SLC9D1: variants seen among roughly 807,000 people sequenced by gnomAD.
SLC9D1 encodes the protein solute carrier family 9 member D1.
the SLC9D1 span, chr13:113,549,825 TC>T: frequency 3.5e-6 from 2 of 578,532 alleles, no homozygotes; most frequent in South Asian, 4.4e-5. Context: ...TTTTTTTTTT[TC>T]CCTGAAATTA....
At chr13:113,513,097 A>G in the SLC9D1 span, among the ~76,000 whole-genome samples, 4 of 152,128 alleles carry the variant, frequency 2.6e-5, no homozygotes, top group African/African-American at 7.2e-5. Context: ...AGTAGAAGGG[A>G]ACGTCTGAAC....
At chr13:113,505,849 C>T in the SLC9D1 span, 1 of 152,244 alleles carries the variant, frequency 6.6e-6, no homozygotes, top group Non-Finnish European at 1.5e-5. Flanking sequence ...TTACCTAGAA[C>T]TTTTTGTTTT....
At chr13:113,495,640 T>G in the SLC9D1 span, 3 of 1,590,588 alleles carry the variant, frequency 1.9e-6, no homozygotes, top group Non-Finnish European at 2.6e-6. Context: ...CCCTGGGCGG[T>G]GCAGGCTGTG....
At chr13:113,509,942 T>C in the SLC9D1 span, among the ~76,000 whole-genome samples, 1 of 152,148 alleles carries the variant, frequency 6.6e-6, no homozygotes, top group East Asian at 1.9e-4. Flanking sequence ...TGTTTTCATC[T>C]GAAAGTGGGG....
chr13:113,534,123 T>C, the SLC9D1 span: 5 of 1,613,274 alleles, frequency 3.1e-6, no homozygotes, highest in Admixed American at 8.3e-5. Flanking sequence ...TTCTTTTATG[T>C]CTTGTTATAA....
chr13:113,510,166 C>G, the SLC9D1 span: 1 of 1,366,418 alleles, frequency 7.3e-7, no homozygotes, highest in Non-Finnish European at 1.0e-6. Context: ...TGCAGAAATG[C>G]GTGAAGTCTG....
chr13:113,498,432 A>G, the SLC9D1 span: 3 of 1,586,348 alleles, frequency 1.9e-6, no homozygotes, highest in East Asian at 2.3e-5. Context: ...AAGTTTATCC[A>G]TGCTTGACGA....
At chr13:113,491,846 C>T in the SLC9D1 span, among the ~76,000 whole-genome samples, 1 of 152,236 alleles carries the variant, frequency 6.6e-6, no homozygotes, top group Non-Finnish European at 1.5e-5. Flanking sequence ...GAAGCAAGAC[C>T]GCTGCGTATC....
At chr13:113,533,238 T>G in the SLC9D1 span, among the ~76,000 whole-genome samples, 1 of 141,284 alleles carries the variant, frequency 7.1e-6, no homozygotes, top group African/African-American at 2.8e-5. Context: ...GTGGCCGTTG[T>G]TGATCCCTTC....
chr13:113,503,383 G>GTGTA, the SLC9D1 span: 1 of 619,372 alleles, frequency 1.6e-6, no homozygotes, highest in Non-Finnish European at 2.9e-6. Flanking sequence ...GTGTGTGTGT[G>GTGTA]TATGTGTGTT....
the SLC9D1 span, chr13:113,548,514 TCGGGTGTGG>T: frequency 6.5e-7 from 1 of 1,543,694 alleles, no homozygotes; most frequent in South Asian, 1.2e-5. Flanking sequence ...TGGGTTTGAG[TCGGGTGTGG>T]CGAAGGCGGC....
At chr13:113,504,972 A>C in the SLC9D1 span, 1 of 151,816 alleles carries the variant, frequency 6.6e-6, no homozygotes, top group Non-Finnish European at 1.5e-5. Flanking sequence ...GCCAACATCT[A>C]TTCTTTTCAT....
chr13:113,530,167 G>C, the SLC9D1 span: 1 of 152,220 alleles, frequency 6.6e-6, no homozygotes, highest in Non-Finnish European at 1.5e-5. Flanking sequence ...AGGCCAGTCC[G>C]TACAGACAGG....
the SLC9D1 span, among the ~76,000 whole-genome samples, chr13:113,540,420 A>T: frequency 6.6e-6 from 1 of 152,212 alleles, no homozygotes; most frequent in African/African-American, 2.4e-5. Context: ...ACTTTTTAGA[A>T]TCGCCATTCT....
At chr13:113,495,143 C>A in the SLC9D1 span, among the ~76,000 whole-genome samples, 1 of 152,318 alleles carries the variant, frequency 6.6e-6, no homozygotes, top group East Asian at 1.9e-4. Context: ...GCATAAGCCA[C>A]CATGCCCAAC....
the SLC9D1 span, chr13:113,549,380 AG>A: frequency 6.2e-7 from 1 of 1,603,758 alleles, no homozygotes; most frequent in South Asian, 1.1e-5. Context: ...TGCAGGTGCT[AG>A]TCCTGACAGT....
chr13:113,529,023 A>C, the SLC9D1 span: 4 of 152,230 alleles, frequency 2.6e-5, no homozygotes, highest in Non-Finnish European at 4.4e-5. Flanking sequence ...GCCCTGGCAG[A>C]GACTGCAGGG....
At chr13:113,539,286 G>A in the SLC9D1 span, 32 of 1,471,368 alleles carry the variant, frequency 2.2e-5, no homozygotes, top group Non-Finnish European at 3.0e-5. The surrounding 1 kb of genome is among the most constrained non-coding windows in gnomAD (Gnocchi z 4.8). Flanking sequence ...GGGTCTCGGG[G>A]TGGCCTTGGG....
the SLC9D1 span, among the ~76,000 whole-genome samples, chr13:113,523,361 C>T: frequency 6.6e-6 from 1 of 152,006 alleles, no homozygotes; most frequent in African/African-American, 2.4e-5. Context: ...AGAATATCTA[C>T]TTCATATTGT....
Sources: gnomAD v4.1 joint callset for allele counts (sites outside exome capture counted in the v4.1 genomes callset) on GRCh38, gnomAD v4.1.1 for gene constraint, Gnocchi (gnomAD v3.1) non-coding constraint, MANE v1.5 for transcripts, NCBI Gene and HGNC (gene_info 2026-07-23, HGNC 2026-07-21) for gene names.